The following EPHA5 variants were observed in gnomAD, a reference collection of about 807,000 sequenced individuals.
EPHA5 encodes the protein ephrin type-A receptor 5.
In EPHA5, 60 loss-of-function variants were observed where a neutral mutation model predicts 105.0. That is an observed-to-expected ratio of 0.57 (90% confidence interval 0.46 to 0.71). The LOEUF is 0.71. EPHA5 is among the 30% of genes least tolerant of loss of function. EPHA5 has a pLI of 0.00. For synonymous variants in EPHA5, 513 were observed against 449.1 expected, an observed-to-expected ratio of 1.14 and a Z score of -1.80; for missense variants, 1,218 against 1,274.7, an observed-to-expected ratio of 0.96 and a Z score of 0.68.
At chr4:65,577,029 T>G (rs1741128504) in intron 3 of EPHA5, among the ~76,000 whole-genome samples, 1 of 152,174 alleles carries the variant, frequency 6.6e-6, no homozygotes, top group Admixed American at 6.5e-5. Context: ...GGTACAAAAC[T>G]TTATAACACT....
chr4:65,418,314 T>C (rs927618489), intron 6 of EPHA5, among the ~76,000 whole-genome samples: 3 of 152,174 alleles, frequency 2.0e-5, no homozygotes, highest in African/African-American at 7.2e-5. Context: ...ACAAATTGTT[T>C]TTTGATATAG....
At chr4:65,414,511 A>T (rs1723210858) in intron 6 of EPHA5, 68 bp from the exon 7 acceptor site, 1 of 1,518,998 alleles carries the variant, frequency 6.6e-7, no homozygotes, top group Non-Finnish European at 9.0e-7. Context: ...CAAAATTTAG[A>T]ATCATAGATC....
intron 5 of EPHA5, among the ~76,000 whole-genome samples, chr4:65,423,339 T>G (rs979312176): frequency 6.9e-6 from 1 of 144,866 alleles, no homozygotes; most frequent in Admixed American, 7.4e-5. Flanking sequence ...CACTATAACA[T>G]TTTTTCCCCA....
At chr4:65,371,561 C>T (rs528511786) in intron 8 of EPHA5, among the ~76,000 whole-genome samples, 17 of 152,012 alleles carry the variant, frequency 1.1e-4, no homozygotes, top group African/African-American at 1.7e-4. Flanking sequence ...GGACAGCCAA[C>T]GAATAACTTA....
At chr4:65,444,885 G>A (rs563110173) in intron 5 of EPHA5, among the ~76,000 whole-genome samples, 2 of 151,688 alleles carry the variant, frequency 1.3e-5, no homozygotes, top group South Asian at 4.2e-4. Flanking sequence ...TCATATTCCT[G>A]GGTACCTAAA....
At chr4:65,333,273 C>T (rs1383603757) in intron 15 of EPHA5, among the ~76,000 whole-genome samples, 2 of 151,620 alleles carry the variant, frequency 1.3e-5, no homozygotes, top group Non-Finnish European at 2.9e-5. Flanking sequence ...TTTCTCTCTA[C>T]TCAGGTTCTC....
chr4:65,478,788 T>G (rs745722976), intron 5 of EPHA5, among the ~76,000 whole-genome samples: 22 of 152,142 alleles, frequency 1.4e-4, no homozygotes, highest in Non-Finnish European at 2.9e-4. Context: ...CTGTTAATAC[T>G]ATTGTTTCTT....
At position 65,430,517 on chromosome 4, in the gene EPHA5, T is replaced by C. The variant is rs1578100804; in HGVS notation, c.1403-9952A>G. On this transcript the variant is annotated intron_variant, in intron 5 of 16. Transcript: ENST00000613740. Reference sequence around the variant, plus strand: ...ATTGCTGTACCATAAGAATACATAATATATCACATTTATAAGAAACATTAT... The same window carrying C: ...ATTGCTGTACCATAAGAATACATAACATATCACATTTATAAGAAACATTAT... 2.0e-5 allele frequency among the ~76,000 whole-genome samples: 3 copies of C among 151,880 alleles called. No homozygotes were observed. The East Asian group carries it at 5.8e-4, about 29-fold the overall frequency.
chr4:65,620,552 G>A (rs1025437983), intron 2 of EPHA5, among the ~76,000 whole-genome samples: 15 of 152,234 alleles, frequency 9.9e-5, no homozygotes, highest in African/African-American at 3.4e-4. Flanking sequence ...TAATTGAGTC[G>A]TCAGTGAATA....
At chr4:65,475,470 C>A (rs924245509) in intron 5 of EPHA5, among the ~76,000 whole-genome samples, 3 of 152,100 alleles carry the variant, frequency 2.0e-5, no homozygotes, top group African/African-American at 7.2e-5. Context: ...TCTCTGGGTT[C>A]AGTGTTATAC....
chr4:65,469,287 C>A (rs1253049044), intron 5 of EPHA5, among the ~76,000 whole-genome samples: 1 of 152,078 alleles, frequency 6.6e-6, no homozygotes, highest in Non-Finnish European at 1.5e-5. Flanking sequence ...TGTTTAAGTA[C>A]ATTCTGGTTA....
intron 8 of EPHA5, among the ~76,000 whole-genome samples, chr4:65,398,592 A>G (rs947231985): frequency 6.6e-6 from 1 of 152,114 alleles, no homozygotes; most frequent in African/African-American, 2.4e-5. Flanking sequence ...TCGCCTGCCT[A>G]TGGCTGCCCA....
intron 2 of EPHA5, among the ~76,000 whole-genome samples, chr4:65,633,914 G>C (rs1427890939): frequency 6.6e-6 from 1 of 152,046 alleles, no homozygotes; most frequent in Non-Finnish European, 1.5e-5. Flanking sequence ...TGCAAAACTA[G>C]ACAAAGTGAT....
chr4:65,593,348 T>C (rs1405486354), intron 3 of EPHA5, among the ~76,000 whole-genome samples: 2 of 152,140 alleles, frequency 1.3e-5, no homozygotes, highest in Admixed American at 1.3e-4. Context: ...TTAAGATAAA[T>C]AAATTACTGT....
chr4:65,510,543 TATC>T lies in EPHA5; in HGVS notation c.911-15003_911-15001del, dbSNP rs548049505. Among the ~76,000 whole-genome samples the T allele has an allele frequency of 4.6e-5, 7 of 152,322 alleles. No individual in the cohort carries two copies. The South Asian group carries it at 6.2e-4, about 14-fold the overall frequency. On this transcript the variant is annotated intron_variant, in intron 3 of 16. Transcript: ENST00000613740. ...TTCTATATGACCCTTGACATTTCCT[TATC>T]ATAAAATAGCACCTCTTTTGTGGAA... is the stretch of plus-strand genomic sequence containing the variant.
chr4:65,632,027 A>C (rs1578636560), intron 2 of EPHA5, among the ~76,000 whole-genome samples: 1 of 152,058 alleles, frequency 6.6e-6, no homozygotes, highest in Non-Finnish European at 1.5e-5. Flanking sequence ...TGGGTCAGGT[A>C]TTGTGCTAAA....
chr4:65,433,013 G>C (rs1435547232), intron 5 of EPHA5, among the ~76,000 whole-genome samples: 1 of 151,986 alleles, frequency 6.6e-6, no homozygotes, highest in Non-Finnish European at 1.5e-5. Context: ...GTGGTGTTTA[G>C]TAAAGTTAAT....
At chr4:65,548,377 C>T (rs34008595) in intron 3 of EPHA5, among the ~76,000 whole-genome samples, 36,684 of 149,276 alleles carry the variant, frequency 0.25, 4,621 homozygotes, top group African/African-American at 0.28. Flanking sequence ...AATTCCAGAT[C>T]AAAATATAGA....
chr4:65,589,860 C>T (rs66662098), intron 3 of EPHA5, among the ~76,000 whole-genome samples: 26,002 of 152,046 alleles, frequency 0.17, 2,457 homozygotes, highest in Non-Finnish European at 0.21. Flanking sequence ...ACATGGAAAA[C>T]GCTGGTGAAA....
Sources: gnomAD v4.1 joint callset for allele counts (sites outside exome capture counted in the v4.1 genomes callset) on GRCh38, gnomAD v4.1.1 for gene constraint, MANE v1.5 for transcripts, NCBI Gene and HGNC (gene_info 2026-07-23, HGNC 2026-07-21) for gene names.